Variants in TNRC18 observed in about 807,000 individuals in gnomAD.
The protein encoded by TNRC18 is trinucleotide repeat-containing gene 18 protein.
TNRC18 carries 69 observed loss-of-function variants against 226.7 expected under a neutral mutation model. The observed-to-expected ratio is 0.30, with a 90% CI of 0.25 to 0.37. The LOEUF is 0.37. Ranked by LOEUF, TNRC18 falls within the 10% of genes least tolerant of loss-of-function variation. TNRC18 has a pLI of 1.00. For synonymous variants in TNRC18, 2,449 were observed against 1,927.6 expected (o/e 1.27, Z -7.09); for missense variants, 4,754 against 4,256.6 (o/e 1.12, Z -3.25).
At chr7:5,416,515 G>GT (rs779841425) in intron 2 of TNRC18, among the ~76,000 whole-genome samples, 1 of 152,214 alleles carries the variant, frequency 6.6e-6, no homozygotes, top group African/African-American at 2.4e-5. Flanking sequence ...GAGCCCAGGA[G>GT]TTTGAGACCA....
intron 17 of TNRC18, among the ~76,000 whole-genome samples, chr7:5,346,033 G>C (rs75500366): frequency 3.3e-5 from 5 of 152,242 alleles, no homozygotes; most frequent in African/African-American, 1.2e-4. Flanking sequence ...AGAAAGCCCG[G>C]AGGTGGGCAG....
intron 19 of TNRC18, 72 bp from the exon 20 acceptor site, chr7:5,325,320 A>G: frequency 6.7e-7 from 1 of 1,496,410 alleles, no homozygotes. Flanking sequence ...TGTCCCCCTC[A>G]CTCACTCACC....
rs1277953285 is a variant in TNRC18, at chr7:5,332,680, C to T, written c.6089G>A (p.Gly2030Asp). ...ATKTSRCAKGGPLSPRKDAGR... is the reference protein window; with the variant it reads ...ATKTSRCAKGDPLSPRKDAGR... ...GGCGTCCTTGCGCGGGCTCAGGGGG[C>T]CGCCCTTGGCGCAGCGGCTGGTCTT... The change falls in exon 19 of 30, where the codon GGC (glycine) becomes GAC (aspartate). Residue 2030 changes from glycine (G) to aspartate (D), a missense_variant. By Grantham distance (94) the Gly-to-Asp change is moderately conservative (BLOSUM62 -1). Coordinates refer to ENST00000430969, the MANE Select transcript of TNRC18 (RefSeq NM_001080495.3). 2 of 1,529,994 alleles carry T rather than the reference C, an allele frequency of 1.3e-6. No individual in the cohort carries two copies. Among genetic ancestry groups the T allele is most frequent in the South Asian group, 1.2e-5 (1 of 82,582 alleles). The allele number at this position is 1,529,994 out of a possible 1,614,324, so 94.8% of individuals were successfully genotyped here.
At chr7:5,368,845 A>C (rs1197646158) in intron 11 of TNRC18, among the ~76,000 whole-genome samples, 1 of 152,062 alleles carries the variant, frequency 6.6e-6, no homozygotes, top group Non-Finnish European at 1.5e-5. Context: ...CCTTCCTCCA[A>C]ACCAGTTCTA....
At position 5,376,081 on chromosome 7, in the gene TNRC18, G is replaced by C; in HGVS notation, c.2752C>G (p.Gln918Glu). 6.3e-7 allele frequency: 1 copy of C among 1,596,326 alleles called. No homozygotes were observed. The highest frequency in any genetic ancestry group is 8.5e-7 in the Non-Finnish European group (1 of 1,172,770). The change falls in exon 9 of 30, where the codon CAG (glutamine) becomes GAG (glutamate). Residue 918 changes from glutamine (Q) to glutamate (E), a missense_variant. Physicochemically the swap from Gln to Glu is conservative, Grantham distance 29. Coordinates refer to ENST00000430969, the MANE Select transcript of TNRC18 (RefSeq NM_001080495.3). Reference sequence around the variant, plus strand: ...AGTTCCAAGGCCTGGGCCGCCTGCTGCTGCAGGTACAGGAACTCCTGCTGC... The same window carrying C: ...AGTTCCAAGGCCTGGGCCGCCTGCTCCTGCAGGTACAGGAACTCCTGCTGC... Reference protein sequence around the residue: ...LRQQEFLYLQQQAAQALELQR... With the variant: ...LRQQEFLYLQEQAAQALELQR...
chr7:5,347,725 G>C (rs1347090037), intron 17 of TNRC18, among the ~76,000 whole-genome samples: 6 of 151,702 alleles, frequency 4.0e-5, no homozygotes, highest in Non-Finnish European at 8.8e-5. Context: ...GGGAGGCCAA[G>C]GCATGTGGAT....
intron 2 of TNRC18, among the ~76,000 whole-genome samples, chr7:5,418,999 G>A (rs919641689): frequency 1.3e-5 from 2 of 152,234 alleles, no homozygotes; most frequent in African/African-American, 4.8e-5. Flanking sequence ...CGGGGTTCAA[G>A]GGGGCGGCAG....
chr7:5,335,835 GAAAAAAAAA>G (rs61412615), intron 18 of TNRC18, among the ~76,000 whole-genome samples: 84 of 126,836 alleles, frequency 6.6e-4, no homozygotes, highest in South Asian at 3.7e-3. Flanking sequence ...ATATTCACTG[GAAAAAAAAA>G]AAAAAAAAAA....
chr7:5,308,098 C>G lies in TNRC18; in HGVS notation c.*8G>C, dbSNP rs974180584. ...CGGGGCACAGGTGGCCCGCAGGGCC[C>G]GGCGGGCTCAGCAGAGCACGGGCAC... On this transcript the variant is annotated 3_prime_UTR_variant, in exon 30 of 30. Coordinates refer to ENST00000430969, the MANE Select transcript of TNRC18 (RefSeq NM_001080495.3). 3.1e-5 allele frequency: 48 copies of G among 1,546,462 alleles called. No individual in the cohort carries two copies. The highest frequency in any genetic ancestry group is 4.1e-5 in the Non-Finnish European group (47 of 1,144,888).
At chr7:5,331,712 C>A (rs774018328) in intron 19 of TNRC18, among the ~76,000 whole-genome samples, 4 of 152,120 alleles carry the variant, frequency 2.6e-5, no homozygotes, top group Non-Finnish European at 4.4e-5. Flanking sequence ...GAGTTTGAGA[C>A]CAGCCTGGGC....
In TNRC18 at chr7:5,356,949, G is replaced by C. The variant is rs1367961058; in HGVS notation, c.5161C>G (p.Pro1721Ala). 12 of 1,551,120 alleles carry C rather than the reference G, an allele frequency of 7.7e-6. No homozygotes were observed. The Admixed American group carries it at 7.9e-5, about 10-fold the overall frequency. ...TAGCTGCTCACTTCCGAGGCAAACG[G>C]GGAATGGGCCGACTTGGGCTGGCCT... The part of the protein sequence containing the change: ...ARGQPKSAHS[P>A]FASEVSSYSY... Residue 1721 changes from proline (P) to alanine (A), a missense_variant, in exon 16 of 30, where the codon CCG becomes GCG. Physicochemically the swap from Pro to Ala is conservative, Grantham distance 27. Coordinates refer to ENST00000430969, the MANE Select transcript of TNRC18 (RefSeq NM_001080495.3).
intron 3 of TNRC18, among the ~76,000 whole-genome samples, chr7:5,391,014 G>A (rs1025064828): frequency 1.3e-5 from 2 of 152,168 alleles, no homozygotes; most frequent in East Asian, 3.9e-4. Flanking sequence ...CTCAGAGCAG[G>A]CCACTTGCCC....
At chr7:5,345,526 A>ACCCCCCCCCCCCCC in intron 18 of TNRC18, 36 bp downstream of exon 18, 2 of 177,498 alleles carry the variant, frequency 1.1e-5, no homozygotes, top group Non-Finnish European at 2.2e-5. Context: ...CGCCCCTCCC[A>ACCCCCCCCCCCCCC]CCCACCCCCA....
At chr7:5,333,094 C>G in intron 18 of TNRC18, 45 bp from the exon 19 acceptor site, 1 of 1,533,484 alleles carries the variant, frequency 6.5e-7, no homozygotes, top group Non-Finnish European at 8.7e-7. Flanking sequence ...TCGTGGGGAC[C>G]CCTTCCCTCC....
At chr7:5,346,807 G>C (rs1054380034) in intron 17 of TNRC18, among the ~76,000 whole-genome samples, 1 of 152,244 alleles carries the variant, frequency 6.6e-6, no homozygotes, top group African/African-American at 2.4e-5. Flanking sequence ...GGGGTCCAGA[G>C]AGAATCATTT....
intron 15 of TNRC18, among the ~76,000 whole-genome samples, 179 bp downstream of exon 15, chr7:5,359,219 T>TA (rs1399261016): frequency 6.6e-6 from 1 of 152,198 alleles, no homozygotes; most frequent in African/African-American, 2.4e-5. Context: ...CTCTGGGCCT[T>TA]AATCTCCCCC....
intron 2 of TNRC18, among the ~76,000 whole-genome samples, chr7:5,403,693 G>A (rs1170065522): frequency 3.3e-5 from 5 of 151,856 alleles, no homozygotes; most frequent in African/African-American, 1.2e-4. Context: ...GTGGGAGGTT[G>A]AAGGCACGAG....
rs184926744 is a variant in TNRC18 at position 5,340,231 on chromosome 7, T to G, written c.5719+5331A>C. ...TAAAGTGCTCTGGTGAACACACAAA[T>G]AAGAAAGTGAAACAGGTTCATTGCT... On this transcript the variant is annotated intron_variant, in intron 18 of 29. Coordinates refer to ENST00000430969, the MANE Select transcript of TNRC18 (RefSeq NM_001080495.3). Among the ~76,000 whole-genome samples, 278 of 152,212 alleles carry G rather than the reference T, an allele frequency of 1.8e-3. 1 individual carries two copies. The highest frequency in any genetic ancestry group is 6.2e-3 in the African/African-American group (259 of 41,530).
At chr7:5,419,549 C>A (rs1782409791) in intron 2 of TNRC18, among the ~76,000 whole-genome samples, 2 of 151,820 alleles carry the variant, frequency 1.3e-5, no homozygotes, top group African/African-American at 4.9e-5. Flanking sequence ...GGCCGCCCCC[C>A]AAGTTCTTCC....
Sources: allele counts gnomAD v4.1 joint callset (sites outside exome capture counted in the v4.1 genomes callset), GRCh38; gene constraint gnomAD v4.1.1; transcripts MANE v1.5; gene names NCBI Gene and HGNC (gene_info 2026-07-23, HGNC 2026-07-21).